FRMPD4: variants seen among roughly 807,000 people sequenced by gnomAD.
The protein encoded by FRMPD4 is FERM and PDZ domain containing 4, also known as FERM and PDZ domain-containing protein 4.
FRMPD4 carries 22 observed loss-of-function variants against 94.1 expected under a neutral mutation model. The observed-to-expected ratio is 0.23, with a 90% CI of 0.17 to 0.33. The LOEUF (loss-of-function observed/expected upper bound fraction) is 0.33. FRMPD4 is among the 10% of genes least tolerant of loss of function. The pLI is 1.00. For missense variants in FRMPD4, 1,111 were observed against 1,339.9 expected, an observed-to-expected ratio of 0.83 and a Z score of 2.67; for synonymous variants, 631 against 548.6, an observed-to-expected ratio of 1.15 and a Z score of -2.10.
intron 2 of FRMPD4, among the ~76,000 whole-genome samples, chrX:12,556,794 G>C (rs1030980394): frequency 1.8e-5 from 2 of 111,750 alleles, no homozygotes; most frequent in Non-Finnish European, 3.8e-5. Context: ...CCCTCTGAAG[G>C]TTCTCTGCAA....
chrX:12,296,331 C>A (rs1193646952), intron 1 of FRMPD4, among the ~76,000 whole-genome samples: 1 of 111,698 alleles, frequency 9.0e-6, no homozygotes, highest in Admixed American at 9.5e-5. Flanking sequence ...TGCTGAATGC[C>A]ACAAGAATCA....
intron 3 of FRMPD4, among the ~76,000 whole-genome samples, chrX:11,889,768 C>T (rs754876457): frequency 6.2e-5 from 7 of 112,227 alleles, no homozygotes; most frequent in East Asian, 2.8e-4. Context: ...CTGGAATGTC[C>T]GAGAGGACTA....
chrX:12,021,453 G>T (rs191593781), intron 3 of FRMPD4, among the ~76,000 whole-genome samples: 3 of 111,139 alleles, frequency 2.7e-5, no homozygotes, highest in Non-Finnish European at 3.8e-5. Flanking sequence ...TATTCATTTG[G>T]GGCTTAAATA....
At chrX:12,619,166 A>T (rs1393877793) in intron 4 of FRMPD4, among the ~76,000 whole-genome samples, 1 of 111,687 alleles carries the variant, frequency 9.0e-6, no homozygotes, top group Non-Finnish European at 1.9e-5. Context: ...TATGTTGATT[A>T]TTCCTACTAA....
At chrX:12,086,321 C>G (rs900968654) in intron 3 of FRMPD4, among the ~76,000 whole-genome samples, 14 of 112,122 alleles carry the variant, frequency 1.2e-4, no homozygotes, top group African/African-American at 4.5e-4. Context: ...TTTTGCATTA[C>G]TCACCATTTC....
At chrX:12,386,454 A>G (rs2056398692) in intron 1 of FRMPD4, among the ~76,000 whole-genome samples, 1 of 112,037 alleles carries the variant, frequency 8.9e-6, no homozygotes, top group African/African-American at 3.2e-5. Flanking sequence ...AATTTGATAG[A>G]TGAGATCCTC....
At chrX:12,322,784 A>G (rs761382851) in intron 1 of FRMPD4, among the ~76,000 whole-genome samples, 3 of 112,029 alleles carry the variant, frequency 2.7e-5, no homozygotes, top group Admixed American at 9.5e-5. Flanking sequence ...AGAAGATATC[A>G]GTGCCTTTTA....
At chrX:11,975,562 G>A (rs1358950226) in intron 3 of FRMPD4, among the ~76,000 whole-genome samples, 2 of 112,099 alleles carry the variant, frequency 1.8e-5, no homozygotes, top group Non-Finnish European at 3.8e-5. Flanking sequence ...TTGCCTCATT[G>A]TGAAAATTTT....
chrX:12,329,649 G>A (rs1042293009), intron 1 of FRMPD4, among the ~76,000 whole-genome samples: 3 of 110,382 alleles, frequency 2.7e-5, no homozygotes, highest in African/African-American at 9.9e-5. Context: ...CCCTTTCTTC[G>A]TTTCAGCACA....
At chrX:12,206,746 G>C (rs1395623277) in intron 1 of FRMPD4, among the ~76,000 whole-genome samples, 1 of 111,801 alleles carries the variant, frequency 8.9e-6, no homozygotes, top group Non-Finnish European at 1.9e-5. Context: ...TCTGTGATGT[G>C]ATTTTAAATG....
At chrX:12,245,018 C>T (rs909480715) in intron 1 of FRMPD4, among the ~76,000 whole-genome samples, 2 of 112,734 alleles carry the variant, frequency 1.8e-5, no homozygotes, top group South Asian at 3.7e-4. Context: ...TATGAAAGAA[C>T]GTTTGTCAGA....
rs192028588 is a variant in FRMPD4 at position 12,362,592 on chromosome X, A to G, written c.42-136088A>G. 2.6e-3 allele frequency among the ~76,000 whole-genome samples: 288 copies of G among 110,887 alleles called. 1 individual carries two copies. The highest frequency in any genetic ancestry group is 4.4e-3 in the Non-Finnish European group (231 of 53,018). On this transcript the variant is annotated intron_variant, in intron 1 of 16. Coordinates refer to ENST00000675598, the MANE Select transcript of FRMPD4 (RefSeq NM_001368397.1). Reference sequence around the variant, plus strand: ...GGTGTATATGTGTCACATTTTCTTAACCCAGTCTATCGTTGTTGGACATTT... The same window carrying G: ...GGTGTATATGTGTCACATTTTCTTAGCCCAGTCTATCGTTGTTGGACATTT...
chrX:12,448,299 T>C (rs1400841315), intron 1 of FRMPD4, among the ~76,000 whole-genome samples: 1 of 112,392 alleles, frequency 8.9e-6, no homozygotes, highest in Admixed American at 9.4e-5. Flanking sequence ...TAAAAATTTA[T>C]TATTTAAAAT....
At chrX:12,586,762 G>A (rs1325733277) in intron 2 of FRMPD4, among the ~76,000 whole-genome samples, 2 of 111,666 alleles carry the variant, frequency 1.8e-5, no homozygotes, top group African/African-American at 6.5e-5. Flanking sequence ...TTCCTTTATA[G>A]ACACTCTTCC....
intron 1 of FRMPD4, among the ~76,000 whole-genome samples, chrX:12,450,863 C>CAAAAAAAA (rs5901475): frequency 4.0e-5 from 2 of 49,534 alleles, no homozygotes; most frequent in African/African-American, 7.1e-5. Flanking sequence ...TCTATTTATC[C>CAAAAAAAA]AAAAAAAAAA....
intron 3 of FRMPD4, among the ~76,000 whole-genome samples, chrX:12,102,410 A>T (rs919862839): frequency 2.7e-5 from 3 of 111,950 alleles, no homozygotes; most frequent in Non-Finnish European, 5.6e-5. Flanking sequence ...ATCTTTGTAC[A>T]AACAGTAAGA....
At chrX:12,414,445 A>T (rs1435291167) in intron 1 of FRMPD4, among the ~76,000 whole-genome samples, 1 of 112,451 alleles carries the variant, frequency 8.9e-6, no homozygotes, top group Non-Finnish European at 1.9e-5. Context: ...TTATTTTGTT[A>T]TGTTATTTGA....
At chrX:12,662,552 T>C (rs193088267) in intron 4 of FRMPD4, among the ~76,000 whole-genome samples, 11,166 of 112,077 alleles carry the variant, frequency 0.1, 450 homozygotes, top group Middle Eastern at 0.15. Flanking sequence ...TATGGCTGCA[T>C]AGTATTCCTT....
intron 1 of FRMPD4, among the ~76,000 whole-genome samples, chrX:12,193,823 GAAGGAGGGAAGGAAGAAAGA>G (rs1415083755): frequency 3.7e-5 from 1 of 27,320 alleles, no homozygotes; most frequent in African/African-American, 2.2e-4. Flanking sequence ...AGGAAGGAAG[GAAGGAGGGAAGGAAGAAAGA>G]AAAGAAAGAA....
Sources: allele counts gnomAD v4.1 joint callset (sites outside exome capture counted in the v4.1 genomes callset), GRCh38; gene constraint gnomAD v4.1.1; transcripts MANE v1.5; gene names NCBI Gene and HGNC (gene_info 2026-07-23, HGNC 2026-07-21).